The following IL1RAPL1 variants were observed in gnomAD, a reference collection of about 807,000 sequenced individuals.
The protein encoded by IL1RAPL1 is interleukin-1 receptor accessory protein-like 1.
Under a neutral mutation model 48.4 loss-of-function variants are expected in IL1RAPL1, and 3 were observed. The observed-to-expected ratio is 0.06, with a 90% CI of 0.03 to 0.16. The LOEUF is 0.16. IL1RAPL1 is among the 10% of genes least tolerant of loss of function. The pLI is 1.00. For synonymous variants in IL1RAPL1, 185 were observed against 187.7 expected (o/e 0.99, Z 0.12); for missense variants, 349 against 530.6 (o/e 0.66, Z 3.36).
At chrX:29,612,708 C>T (rs952167722) in intron 5 of IL1RAPL1, among the ~76,000 whole-genome samples, 1 of 111,932 alleles carries the variant, frequency 8.9e-6, no homozygotes, top group African/African-American at 3.2e-5. Flanking sequence ...CACACTTCAA[C>T]AGTAGTGATC....
intron 2 of IL1RAPL1, among the ~76,000 whole-genome samples, chrX:29,224,285 T>C (rs952408202): frequency 6.3e-5 from 7 of 111,285 alleles, no homozygotes; most frequent in Non-Finnish European, 1.3e-4. Flanking sequence ...AGTCACTAGG[T>C]TTAAATTTTA....
At chrX:28,677,231 G>A (rs1935008954) in intron 1 of IL1RAPL1, among the ~76,000 whole-genome samples, 1 of 111,252 alleles carries the variant, frequency 9.0e-6, no homozygotes, top group African/African-American at 3.3e-5. Flanking sequence ...TTTAATGCCA[G>A]CATTTAAAGA....
At chrX:29,320,117 T>A (rs1932793833) in intron 3 of IL1RAPL1, among the ~76,000 whole-genome samples, 1 of 110,789 alleles carries the variant, frequency 9.0e-6, no homozygotes, top group South Asian at 3.7e-4. Context: ...AAGACATAAA[T>A]AAATGCGTTG....
chrX:29,488,782 T>C (rs888074799), intron 5 of IL1RAPL1, among the ~76,000 whole-genome samples: 2 of 112,276 alleles, frequency 1.8e-5, no homozygotes, highest in African/African-American at 6.5e-5. Flanking sequence ...TCACAATGCA[T>C]ACTGTTAACA....
chrX:29,903,196 G>GAGAGAGAGAGAGACAGAGACAGAGAC lies in IL1RAPL1; in HGVS notation c.779-14259_779-14258insGAGACAGAGACAGAGACAGAGAGAGA, dbSNP rs746194201. On this transcript the variant is annotated intron_variant, in intron 6 of 10. Transcript: ENST00000378993. ...TGTGTGTGTGTGTGAGAGAGAGAGA[G>GAGAGAGAGAGAGACAGAGACAGAGAC]AGAGAGAGACAAAGAAATTCTTCTC... 5.4e-3 allele frequency among the ~76,000 whole-genome samples: 592 copies of GAGAGAGAGAGAGACAGAGACAGAGAC among 108,642 alleles called. 3 individuals are homozygous for GAGAGAGAGAGAGACAGAGACAGAGAC. The highest frequency in any genetic ancestry group is 0.018 in the African/African-American group (555 of 30,059). 94.3% of individuals were successfully genotyped at this position (108,642 alleles called of 115,157 possible).
At chrX:28,666,817 A>T (rs1413966783) in intron 1 of IL1RAPL1, among the ~76,000 whole-genome samples, 1 of 111,943 alleles carries the variant, frequency 8.9e-6, no homozygotes, top group Non-Finnish European at 1.9e-5. Context: ...GCTAATTGAT[A>T]TTAGTAAATA....
At chrX:28,688,554 C>G (rs754272660) in intron 1 of IL1RAPL1, among the ~76,000 whole-genome samples, 4 of 111,563 alleles carry the variant, frequency 3.6e-5, no homozygotes, top group Non-Finnish European at 7.5e-5. Flanking sequence ...TTACAGAGCA[C>G]TTTTTCATTT....
At chrX:29,853,976 G>A (rs761313353) in intron 6 of IL1RAPL1, among the ~76,000 whole-genome samples, 4 of 112,091 alleles carry the variant, frequency 3.6e-5, no homozygotes, top group South Asian at 3.7e-4. Flanking sequence ...AGTGACTAAC[G>A]TATTTTGTTT....
intron 5 of IL1RAPL1, among the ~76,000 whole-genome samples, chrX:29,608,386 T>C (rs1371826342): frequency 7.1e-5 from 7 of 98,224 alleles, no homozygotes; most frequent in African/African-American, 2.5e-4. Context: ...AGAAGGGGTT[T>C]CAAAAAAAAA....
At chrX:29,054,694 T>C (rs764678842) in intron 2 of IL1RAPL1, among the ~76,000 whole-genome samples, 1 of 112,208 alleles carries the variant, frequency 8.9e-6, no homozygotes, top group East Asian at 2.8e-4. Flanking sequence ...TTACACTGAA[T>C]TGGGTTTTGG....
chrX:29,801,031 A>C (rs1294308065), intron 6 of IL1RAPL1, among the ~76,000 whole-genome samples: 5 of 66,361 alleles, frequency 7.5e-5, no homozygotes, highest in Non-Finnish European at 1.1e-4. Flanking sequence ...AAAAAAAAAA[A>C]AAACTCTCCG....
At chrX:29,376,413 C>T (rs1004969555) in intron 3 of IL1RAPL1, among the ~76,000 whole-genome samples, 3 of 109,479 alleles carry the variant, frequency 2.7e-5, no homozygotes, top group Non-Finnish European at 5.7e-5. Flanking sequence ...CTCTGTTAAC[C>T]AGGCTGGAGT....
At chrX:28,626,838 T>C (rs1601839062) in intron 1 of IL1RAPL1, among the ~76,000 whole-genome samples, 2 of 112,525 alleles carry the variant, frequency 1.8e-5, no homozygotes, top group South Asian at 7.3e-4. Context: ...CCTTTTTCTT[T>C]TTAGCATCCT....
intron 1 of IL1RAPL1, among the ~76,000 whole-genome samples, chrX:28,747,247 T>G (rs779425429): frequency 1.3e-4 from 14 of 111,762 alleles, no homozygotes; most frequent in Non-Finnish European, 2.4e-4. Flanking sequence ...TTATGAGTTC[T>G]GATTCTTCTT....
At chrX:29,634,828 G>T (rs1014570146) in intron 5 of IL1RAPL1, among the ~76,000 whole-genome samples, 1 of 111,895 alleles carries the variant, frequency 8.9e-6, no homozygotes, top group Non-Finnish European at 1.9e-5. Flanking sequence ...AAAAGACAGA[G>T]ATTTTTTAAA....
intron 5 of IL1RAPL1, among the ~76,000 whole-genome samples, chrX:29,644,560 T>G (rs866945064): frequency 1.9e-5 from 2 of 106,746 alleles, no homozygotes; most frequent in Middle Eastern, 4.7e-3. Flanking sequence ...TTTTTTTTGT[T>G]TTGTTTTCTT....
intron 6 of IL1RAPL1, among the ~76,000 whole-genome samples, chrX:29,796,954 G>A (rs1195103616): frequency 8.9e-6 from 1 of 112,500 alleles, no homozygotes; most frequent in African/African-American, 3.2e-5. Flanking sequence ...GCCTCTGAGA[G>A]TCACCTGTGT....
rs749688686 is a variant in IL1RAPL1 at position 29,699,765 on chromosome X, G to C, written c.778+31261G>C. Among the ~76,000 whole-genome samples the C allele has an allele frequency of 9.8e-5, 11 of 112,257 alleles. No individual in the cohort carries two copies. The South Asian group carries it at 4.0e-3, about 41-fold the overall frequency. ...TTAAATGTTATTGATTTTAAAAATA[G>C]TTTTCAACAGATTCTTTGTGAGTGG... On this transcript the variant is annotated intron_variant, in intron 6 of 10. Transcript: ENST00000378993.
chrX:28,967,045 A>G (rs753572561), intron 2 of IL1RAPL1, among the ~76,000 whole-genome samples: 1 of 112,210 alleles, frequency 8.9e-6, no homozygotes, highest in East Asian at 2.8e-4. Context: ...ATATAACACA[A>G]TGACCAATGG....
Sources: allele counts gnomAD v4.1 joint callset (sites outside exome capture counted in the v4.1 genomes callset), GRCh38; gene constraint gnomAD v4.1.1; transcripts MANE v1.5; gene names NCBI Gene and HGNC (gene_info 2026-07-23, HGNC 2026-07-21).